Variants in DLG2 observed in about 807,000 individuals in gnomAD.
DLG2 encodes disks large homolog 2.
In DLG2, 45 loss-of-function variants were observed where a neutral mutation model predicts 132.5. The observed-to-expected ratio is 0.34, with a 90% CI of 0.27 to 0.44. The LOEUF (loss-of-function observed/expected upper bound fraction) is 0.44, where lower values mean the gene tolerates loss of function less well. Among genes scored for constraint, DLG2 ranks in the 20% least tolerant of loss-of-function variants. The pLI, the probability that DLG2 is intolerant of heterozygous loss-of-function variation, is 1.00. For missense variants in DLG2, 1,045 were observed against 1,196.9 expected, an observed-to-expected ratio of 0.87 and a Z score of 1.87; for synonymous variants, 424 against 419.6, an observed-to-expected ratio of 1.01 and a Z score of -0.13.
chr11:84,650,873 G>GTATATATATA (rs71274437), intron 6 of DLG2, among the ~76,000 whole-genome samples: 10 of 123,984 alleles, frequency 8.1e-5, no homozygotes, highest in Middle Eastern at 4.1e-3. Flanking sequence ...GTGTGTGTGT[G>GTATATATATA]TATATATATA....
chr11:84,581,852 A>G (rs1348967275), intron 6 of DLG2, among the ~76,000 whole-genome samples: 1 of 150,448 alleles, frequency 6.6e-6, no homozygotes, highest in Non-Finnish European at 1.5e-5. Flanking sequence ...GGTTGCAGTC[A>G]GCCGAGATTG....
chr11:85,281,618 T>A (rs1319073350), intron 4 of DLG2, among the ~76,000 whole-genome samples: 2 of 151,972 alleles, frequency 1.3e-5, no homozygotes, highest in African/African-American at 4.8e-5. Flanking sequence ...GTAAAATCTT[T>A]CCAATAGCCT....
chr11:84,725,282 C>T (rs1490593885), intron 6 of DLG2, among the ~76,000 whole-genome samples: 1 of 152,058 alleles, frequency 6.6e-6, no homozygotes, highest in East Asian at 1.9e-4. Context: ...AGAATTCTTC[C>T]TTATGACCCC....
chr11:84,704,235 A>G (rs575526095), intron 6 of DLG2, among the ~76,000 whole-genome samples: 4 of 151,614 alleles, frequency 2.6e-5, no homozygotes, highest in East Asian at 3.9e-4. Context: ...CCCTACCTCT[A>G]TGACACTCTA....
In DLG2 at chr11:85,160,685, A is replaced by T. The variant is rs145756769; in HGVS notation, c.187-6034T>A. ...ACGGCACAAGTAAGTTACATGAGGAAGTGGCTCAAATGCCCATGGTGTCCA... is the reference window on the plus strand; with the variant it reads ...ACGGCACAAGTAAGTTACATGAGGATGTGGCTCAAATGCCCATGGTGTCCA... On this transcript the variant is annotated intron_variant, in intron 4 of 27. Transcript: ENST00000376104. Among the ~76,000 whole-genome samples, 563 of 152,290 alleles carry T rather than the reference A, an allele frequency of 3.7e-3. 3 individuals are homozygous for T. Among genetic ancestry groups the T allele is most frequent in the African/African-American group, 0.013 (553 of 41,556 alleles).
intron 6 of DLG2, among the ~76,000 whole-genome samples, chr11:84,973,479 C>T (rs1425406584): frequency 4.6e-5 from 7 of 152,108 alleles, no homozygotes; most frequent in Admixed American, 3.9e-4. Context: ...CAATCTCTCT[C>T]TCTTAATTCA....
intron 8 of DLG2, among the ~76,000 whole-genome samples, chr11:84,235,230 T>C (rs772813793): frequency 2.0e-5 from 3 of 152,210 alleles, no homozygotes; most frequent in Non-Finnish European, 2.9e-5. Flanking sequence ...AACAAATGTA[T>C]TGATTGATAT....
intron 18 of DLG2, among the ~76,000 whole-genome samples, chr11:83,638,809 G>C (rs1213303457): frequency 2.0e-5 from 3 of 152,122 alleles, no homozygotes; most frequent in Admixed American, 6.5e-5. Flanking sequence ...TTCCAAAGCT[G>C]CTGCTATTTT....
intron 6 of DLG2, among the ~76,000 whole-genome samples, chr11:85,026,200 ATATT>A (rs2060498935): frequency 6.6e-6 from 1 of 152,164 alleles, no homozygotes; most frequent in African/African-American, 2.4e-5. Flanking sequence ...CTGGAAGAAA[ATATT>A]TATCAAAGTT....
At chr11:83,522,306 G>A (rs1020902460) in intron 21 of DLG2, among the ~76,000 whole-genome samples, 1 of 145,484 alleles carries the variant, frequency 6.9e-6, no homozygotes, top group Non-Finnish European at 1.5e-5. Context: ...TGCTATAGCT[G>A]TGTGTATATG....
chr11:84,108,619 G>C (rs1478380255), intron 9 of DLG2, among the ~76,000 whole-genome samples: 2 of 152,138 alleles, frequency 1.3e-5, no homozygotes, highest in African/African-American at 4.8e-5. Flanking sequence ...TGGTAAGAAA[G>C]GGAAGGAAGA....
chr11:85,296,702 G>C (rs540859320), intron 3 of DLG2, among the ~76,000 whole-genome samples: 11 of 151,364 alleles, frequency 7.3e-5, no homozygotes, highest in African/African-American at 2.4e-4. Context: ...TTAAATGAAA[G>C]TCTGTAATTT....
At chr11:84,929,981 A>T (rs923780129) in intron 6 of DLG2, among the ~76,000 whole-genome samples, 4 of 152,032 alleles carry the variant, frequency 2.6e-5, no homozygotes, top group Non-Finnish European at 4.4e-5. Flanking sequence ...TAAAAAGCCT[A>T]CTCTTCTGGA....
intron 7 of DLG2, among the ~76,000 whole-genome samples, chr11:84,482,800 G>A (rs1240197082): frequency 6.6e-6 from 1 of 152,122 alleles, no homozygotes; most frequent in Non-Finnish European, 1.5e-5. Flanking sequence ...CTTAGTAAGT[G>A]AAAATAATAG....
chr11:84,491,749 G>T (rs1234073829), intron 7 of DLG2, among the ~76,000 whole-genome samples: 1 of 152,114 alleles, frequency 6.6e-6, no homozygotes, highest in Non-Finnish European at 1.5e-5. Flanking sequence ...TTGCAGTCAA[G>T]TTCCATGGTT....
At chr11:84,151,493 A>C (rs1300708131) in intron 9 of DLG2, among the ~76,000 whole-genome samples, 1 of 152,128 alleles carries the variant, frequency 6.6e-6, no homozygotes, top group Non-Finnish European at 1.5e-5. Context: ...CTTTTTAAAG[A>C]AACAACTACT....
chr11:85,151,762 A>C (rs544140528), intron 5 of DLG2, among the ~76,000 whole-genome samples: 223 of 152,314 alleles, frequency 1.5e-3, no homozygotes, highest in Non-Finnish European at 2.4e-3. Flanking sequence ...TCTTTATGCC[A>C]GTACCACACC....
intron 2 of DLG2, among the ~76,000 whole-genome samples, chr11:85,605,513 G>A (rs1173100706): frequency 1.3e-5 from 2 of 152,136 alleles, no homozygotes; most frequent in Non-Finnish European, 2.9e-5. Flanking sequence ...AGAGAAAAAG[G>A]TTATTTCAGC....
chr11:84,495,432 A>G (rs1360561945), intron 7 of DLG2, among the ~76,000 whole-genome samples: 1 of 152,100 alleles, frequency 6.6e-6, no homozygotes, highest in African/African-American at 2.4e-5. Context: ...ATTTTCCTTC[A>G]AGACATTCAA....
Sources: allele counts gnomAD v4.1 joint callset (sites outside exome capture counted in the v4.1 genomes callset), GRCh38; gene constraint gnomAD v4.1.1; transcripts MANE v1.5; gene names NCBI Gene and HGNC (gene_info 2026-07-23, HGNC 2026-07-21).